The following SPON1 variants were observed in gnomAD, a reference collection of about 807,000 sequenced individuals.
The protein encoded by SPON1 is spondin-1.
SPON1 carries 52 observed loss-of-function variants against 111.7 expected under a neutral mutation model. The observed-to-expected ratio is 0.47, with a 90% confidence interval of 0.37 to 0.59. The LOEUF (loss-of-function observed/expected upper bound fraction) is 0.59. SPON1 is among the 20% of genes least tolerant of loss of function. The pLI is 0.00. For synonymous variants in SPON1, 410 were observed against 395.8 expected (o/e 1.04, Z -0.43); for missense variants, 957 against 1,068.5 (o/e 0.90, Z 1.46).
At chr11:14,065,431 AC>A (rs1316586188) in intron 3 of SPON1, among the ~76,000 whole-genome samples, 1 of 152,130 alleles carries the variant, frequency 6.6e-6, no homozygotes, top group African/African-American at 2.4e-5. Context: ...ATATGATTAC[AC>A]CCACGCCCAG....
intron 7 of SPON1, among the ~76,000 whole-genome samples, chr11:14,244,414 A>C (rs1415519572): frequency 6.6e-6 from 1 of 151,884 alleles, no homozygotes; most frequent in African/African-American, 2.4e-5. Flanking sequence ...GCTATTTGGG[A>C]GGCTGAGGCA....
intron 3 of SPON1, among the ~76,000 whole-genome samples, chr11:14,067,646 C>G (rs9988870): frequency 0.26 from 39,453 of 152,146 alleles, 6,160 homozygotes; most frequent in South Asian, 0.42. Flanking sequence ...GTTCCTGTCC[C>G]TGGTTTTACA....
chr11:14,218,207 T>G (rs1554937290), intron 6 of SPON1, among the ~76,000 whole-genome samples: 1 of 152,198 alleles, frequency 6.6e-6, no homozygotes, highest in Non-Finnish European at 1.5e-5. Flanking sequence ...CTGTGACCAT[T>G]CCTTACAAGG....
chr11:14,120,503 C>T (rs61334860), intron 5 of SPON1, among the ~76,000 whole-genome samples: 3,052 of 152,180 alleles, frequency 0.02, 96 homozygotes, highest in African/African-American at 0.07. Context: ...AGCCCTACTG[C>T]CTGCTTCTGG....
At chr11:14,160,629 T>TTATA (rs1847915942) in intron 6 of SPON1, among the ~76,000 whole-genome samples, 1 of 23,536 alleles carries the variant, frequency 4.2e-5, no homozygotes, top group African/African-American at 1.5e-4. Context: ...ATATATATAT[T>TTATA]TATATATATT....
chr11:14,039,812 T>C (rs923482864), intron 2 of SPON1, among the ~76,000 whole-genome samples: 3 of 152,116 alleles, frequency 2.0e-5, no homozygotes, highest in Admixed American at 6.5e-5. Context: ...GAAAAGATAT[T>C]TGTAGATGTT....
intron 6 of SPON1, among the ~76,000 whole-genome samples, chr11:14,191,718 A>G (rs1303474833): frequency 6.6e-6 from 1 of 152,242 alleles, no homozygotes; most frequent in Non-Finnish European, 1.5e-5. Flanking sequence ...AGAACAGCCC[A>G]GAAAAGAATA....
chr11:14,011,012 G>A (rs1334922513), intron 2 of SPON1, among the ~76,000 whole-genome samples: 1 of 152,154 alleles, frequency 6.6e-6, no homozygotes, highest in African/African-American at 2.4e-5. Flanking sequence ...TCTTTAATGG[G>A]GAGTCCTTAA....
intron 6 of SPON1, among the ~76,000 whole-genome samples, chr11:14,170,759 C>CTT (rs1263109536): frequency 6.6e-6 from 1 of 152,052 alleles, no homozygotes; most frequent in Non-Finnish European, 1.5e-5. Context: ...AATCATGTGG[C>CTT]TTTTGTCTTT....
chr11:14,002,899 C>T (rs1243805709), intron 2 of SPON1, among the ~76,000 whole-genome samples: 1 of 152,044 alleles, frequency 6.6e-6, no homozygotes, highest in Non-Finnish European at 1.5e-5. Context: ...TCCTAGGACC[C>T]CACATCTCCT....
chr11:14,045,092 G>A (rs560884032), intron 3 of SPON1, among the ~76,000 whole-genome samples: 1 of 152,270 alleles, frequency 6.6e-6, no homozygotes, highest in South Asian at 2.1e-4. Flanking sequence ...AATTTTATTA[G>A]ATGCTGCCAG....
chr11:14,113,523 T>C lies in SPON1; in HGVS notation c.677-21897T>C, dbSNP rs78033187. On this transcript the variant is annotated intron_variant, in intron 5 of 15. Coordinates refer to ENST00000576479, the MANE Select transcript of SPON1 (RefSeq NM_006108.4). ...CCAGATTTCCTGAGTGCACCTACTA[T>C]GTGCAGGTCTTTGGAAAGCAAGTCA... Among the ~76,000 whole-genome samples the C allele has an allele frequency of 7.8e-3, 1,169 of 150,488 alleles. 25 individuals carry two copies. Among genetic ancestry groups the C allele is most frequent in the African/African-American group, 0.027 (1,120 of 41,010 alleles).
At chr11:14,012,584 C>T (rs566161334) in intron 2 of SPON1, among the ~76,000 whole-genome samples, 1 of 152,274 alleles carries the variant, frequency 6.6e-6, no homozygotes, top group Admixed American at 6.5e-5. Flanking sequence ...ACCATTTTGT[C>T]CACCGATTTG....
At chr11:14,046,338 T>C (rs1404944858) in intron 3 of SPON1, among the ~76,000 whole-genome samples, 10 of 152,318 alleles carry the variant, frequency 6.6e-5, no homozygotes, top group Non-Finnish European at 1.2e-4. Flanking sequence ...CCCATTGATA[T>C]AATCTTTACG....
At chr11:14,051,478 A>G (rs546750573) in intron 3 of SPON1, among the ~76,000 whole-genome samples, 54 of 151,960 alleles carry the variant, frequency 3.6e-4, no homozygotes, top group African/African-American at 1.3e-3. Context: ...TGAGGCTTCA[A>G]TGAGCTGAGA....
At chr11:13,965,929 T>C (rs1554907995) in intron 1 of SPON1, among the ~76,000 whole-genome samples, 1 of 152,216 alleles carries the variant, frequency 6.6e-6, no homozygotes. Flanking sequence ...TTGGAATCAA[T>C]GACTTGTTTT....
chr11:14,068,687 T>G (rs1026741058), intron 3 of SPON1, among the ~76,000 whole-genome samples: 3 of 152,170 alleles, frequency 2.0e-5, no homozygotes, highest in Non-Finnish European at 2.9e-5. Context: ...TTCCAAGAAG[T>G]TACACCTGGT....
At position 14,245,232 on chromosome 11, in the gene SPON1, C is replaced by A. The variant is rs892086940; in HGVS notation, c.890+1836C>A. On this transcript the variant is annotated intron_variant, in intron 7 of 15. Transcript: ENST00000576479. ...GAGGAGGCACACTCATAGCTGACTGCCTGGGAGCAGGGAAGCTACGGCGAG... is the reference window on the plus strand; with the variant it reads ...GAGGAGGCACACTCATAGCTGACTGACTGGGAGCAGGGAAGCTACGGCGAG... Among the ~76,000 whole-genome samples the A allele has an allele frequency of 6.6e-5, 10 of 152,234 alleles. No individual in the cohort carries two copies. In the South Asian group the frequency reaches 2.1e-3, roughly 32 times the overall value.
intron 2 of SPON1, among the ~76,000 whole-genome samples, chr11:14,021,384 T>G (rs190109840): frequency 6.6e-6 from 1 of 152,106 alleles, no homozygotes; most frequent in Non-Finnish European, 1.5e-5. Flanking sequence ...AGTCCCCGGG[T>G]AGACCTCAGG....
Sources: allele counts gnomAD v4.1 joint callset (sites outside exome capture counted in the v4.1 genomes callset), GRCh38; gene constraint gnomAD v4.1.1; transcripts MANE v1.5; gene names NCBI Gene and HGNC (gene_info 2026-07-23, HGNC 2026-07-21).